Variants in LMNTD1 observed in about 807,000 individuals in gnomAD.
LMNTD1 encodes lamin tail domain containing 1.
LMNTD1 carries 35 observed loss-of-function variants against 50.9 expected under a neutral mutation model. The ratio of observed to expected loss-of-function variants is 0.69; its 90% CI spans 0.53 to 0.91. LMNTD1 has a LOEUF of 0.91. LMNTD1 is among the 40% of genes least tolerant of loss of function. LMNTD1 has a pLI of 0.00. For synonymous variants in LMNTD1, 153 were observed against 161.9 expected (o/e 0.94, Z 0.42); for missense variants, 470 against 475.5 (o/e 0.99, Z 0.11).
intron 1 of LMNTD1, among the ~76,000 whole-genome samples, chr12:25,564,460 T>C (rs796293241): frequency 7.9e-5 from 12 of 152,292 alleles, no homozygotes; most frequent in African/African-American, 2.6e-4. Flanking sequence ...GGTTTCACCC[T>C]GTTGGCCAGG....
intron 1 of LMNTD1, among the ~76,000 whole-genome samples, chr12:25,589,829 C>T (rs958464623): frequency 1.3e-5 from 2 of 151,926 alleles, no homozygotes; most frequent in African/African-American, 4.8e-5. Context: ...TTGTGTAGAT[C>T]TCTTAGAACC....
At chr12:25,478,525 C>T (rs1189607409) in intron 9 of LMNTD1, among the ~76,000 whole-genome samples, 1 of 152,130 alleles carries the variant, frequency 6.6e-6, no homozygotes, top group Non-Finnish European at 1.5e-5. Flanking sequence ...TGGCTCATGC[C>T]AGTAATCCTA....
chr12:25,537,250 C>T (rs1324252106), intron 4 of LMNTD1, among the ~76,000 whole-genome samples: 1 of 152,224 alleles, frequency 6.6e-6, no homozygotes, highest in Non-Finnish European at 1.5e-5. Flanking sequence ...CTGCATGCCT[C>T]TGTAGGCTCC....
intron 1 of LMNTD1, among the ~76,000 whole-genome samples, chr12:25,594,065 G>A (rs1357567280): frequency 6.6e-6 from 1 of 152,072 alleles, no homozygotes; most frequent in Non-Finnish European, 1.5e-5. Flanking sequence ...AAGAAGTCTG[G>A]GATTAAACGA....
chr12:25,573,160 C>T (rs1201010721), intron 1 of LMNTD1, among the ~76,000 whole-genome samples: 1 of 152,132 alleles, frequency 6.6e-6, no homozygotes, highest in Admixed American at 6.6e-5. Flanking sequence ...TTGGCCTTTT[C>T]TCTGTTTGTT....
chr12:25,519,313 C>T (rs1941064378), intron 7 of LMNTD1, among the ~76,000 whole-genome samples: 1 of 151,940 alleles, frequency 6.6e-6, no homozygotes. Flanking sequence ...AAATGGCGGC[C>T]GGCCGCGGTG....
chr12:25,549,831 A>G (rs1214236176), intron 2 of LMNTD1, among the ~76,000 whole-genome samples: 1 of 152,170 alleles, frequency 6.6e-6, no homozygotes, highest in Non-Finnish European at 1.5e-5. Context: ...AATCATTACA[A>G]TGCCACCAAC....
chr12:25,550,244 G>A (rs1943672764), intron 2 of LMNTD1, among the ~76,000 whole-genome samples: 1 of 152,136 alleles, frequency 6.6e-6, no homozygotes, highest in Non-Finnish European at 1.5e-5. Flanking sequence ...GTTAACTAGT[G>A]CACAATCATT....
At chr12:25,534,666 G>C (rs1035514966) in intron 4 of LMNTD1, among the ~76,000 whole-genome samples, 1 of 152,176 alleles carries the variant, frequency 6.6e-6, no homozygotes, top group Non-Finnish European at 1.5e-5. Flanking sequence ...TGTAGAAAAA[G>C]ACTATTTTGA....
rs377363995 is a variant in LMNTD1, at chr12:25,559,412, A to G, written c.59-12858T>C. Among the ~76,000 whole-genome samples the G allele has an allele frequency of 3.3e-5, 5 of 152,158 alleles. No individual in the cohort carries two copies. In the South Asian group the frequency reaches 6.2e-4, roughly 19 times the overall value. ...ATGGCTGCATAGTATTCCATGGTGTATATGTGACACATTTTCTTAATCCAG... is the reference window on the plus strand; with the variant it reads ...ATGGCTGCATAGTATTCCATGGTGTGTATGTGACACATTTTCTTAATCCAG... On this transcript the variant is annotated intron_variant, in intron 1 of 7. Coordinates refer to the LMNTD1 transcript ENST00000445693.
At chr12:25,614,363 T>C (rs1451864874) in intron 1 of LMNTD1, among the ~76,000 whole-genome samples, 3 of 152,150 alleles carry the variant, frequency 2.0e-5, no homozygotes, top group African/African-American at 7.2e-5. Context: ...ATGAGCTCCC[T>C]ACAACCCAAA....
intron 1 of LMNTD1, among the ~76,000 whole-genome samples, chr12:25,577,799 A>G (rs1279999480): frequency 1.3e-5 from 2 of 152,202 alleles, no homozygotes; most frequent in African/African-American, 4.8e-5. Flanking sequence ...TTGCCCATTC[A>G]GTATGATATT....
At chr12:25,620,250 T>G (rs1159267333) in intron 1 of LMNTD1, among the ~76,000 whole-genome samples, 1 of 152,158 alleles carries the variant, frequency 6.6e-6, no homozygotes, top group African/African-American at 2.4e-5. Context: ...CAAAGGGCAT[T>G]TCAACAAAAA....
At chr12:25,575,904 T>C (rs1050244654) in intron 1 of LMNTD1, among the ~76,000 whole-genome samples, 2 of 152,186 alleles carry the variant, frequency 1.3e-5, no homozygotes, top group Non-Finnish European at 1.5e-5. Context: ...AGTGTTCTCA[T>C]TGTTCAATTC....
intron 9 of LMNTD1, among the ~76,000 whole-genome samples, chr12:25,482,880 G>T (rs558566470): frequency 6.6e-6 from 1 of 152,052 alleles, no homozygotes; most frequent in East Asian, 1.9e-4. Context: ...TCACGGAAAA[G>T]AATGCTGTCG....
intron 1 of LMNTD1, among the ~76,000 whole-genome samples, chr12:25,635,341 A>G (rs1946809615): frequency 6.6e-6 from 1 of 152,152 alleles, no homozygotes; most frequent in Non-Finnish European, 1.5e-5. Context: ...ATACACCAAC[A>G]GTGACCAAGT....
intron 1 of LMNTD1, among the ~76,000 whole-genome samples, chr12:25,639,089 AT>A (rs1179221983): frequency 6.6e-6 from 1 of 152,170 alleles, no homozygotes; most frequent in African/African-American, 2.4e-5. Flanking sequence ...TCAACAAATT[AT>A]ACCCAGATAA....
Position 25,553,118 on chromosome 12 carries a change from A to T in LMNTD1, c.-80T>A. 6.2e-7 allele frequency: 1 copy of T among 1,612,788 alleles called. No homozygotes were observed. Among genetic ancestry groups the T allele is most frequent in the Non-Finnish European group, 8.5e-7 (1 of 1,179,914 alleles). The stretch of plus-strand genomic sequence containing the variant: ...ATCAGCTAGGTTTAATAATTTCTTT[A>T]CCAAACTAGTACCAGAACCACAATT... On this transcript the variant is annotated 5_prime_UTR_variant, in exon 1 of 10. The change abolishes the stop of an existing upstream ORF in the 5' untranslated region. Coordinates refer to ENST00000458174, the MANE Select transcript of LMNTD1 (RefSeq NM_001145728.2).
intron 6 of LMNTD1, among the ~76,000 whole-genome samples, chr12:25,525,883 A>G (rs1303943407): frequency 6.6e-6 from 1 of 152,114 alleles, no homozygotes; most frequent in African/African-American, 2.4e-5. Context: ...CCATGTAACC[A>G]AACACCACAT....
Sources: gnomAD v4.1 joint callset for allele counts (sites outside exome capture counted in the v4.1 genomes callset) on GRCh38, gnomAD v4.1.1 for gene constraint, MANE v1.5 for transcripts, NCBI Gene and HGNC (gene_info 2026-07-23, HGNC 2026-07-21) for gene names.